Variants in TRHDE observed in about 807,000 individuals in gnomAD.
The protein encoded by TRHDE is thyrotropin releasing hormone degrading enzyme, also known as thyrotropin-releasing hormone-degrading ectoenzyme.
TRHDE carries 72 observed loss-of-function variants against 125.7 expected under a neutral mutation model. The ratio of observed to expected loss-of-function variants is 0.57; its 90% CI spans 0.47 to 0.70. TRHDE has a LOEUF of 0.70. TRHDE is among the 30% of genes least tolerant of loss of function. The probability of loss-of-function intolerance (pLI) is 0.00; values close to 1 mark genes in which losing one functional copy is unlikely to be tolerated. For missense variants in TRHDE, 1,110 were observed against 1,327.1 expected (o/e 0.84, Z 2.54); for synonymous variants, 509 against 509.1 (o/e 1.00, Z 0.00).
At chr12:72,508,239 C>T (rs1878437400) in intron 6 of TRHDE, among the ~76,000 whole-genome samples, 2 of 152,208 alleles carry the variant, frequency 1.3e-5, no homozygotes, top group African/African-American at 2.4e-5. Flanking sequence ...CTACCATCCT[C>T]CAGACCCTAG....
intron 3 of TRHDE, 103 bp from the exon 4 acceptor site, chr12:72,469,655 C>G: frequency 7.8e-7 from 1 of 1,282,496 alleles, no homozygotes; most frequent in Non-Finnish European, 1.1e-6. Context: ...TAAGTAAAAT[C>G]AAGTATTCCT....
intron 2 of TRHDE, among the ~76,000 whole-genome samples, chr12:72,360,232 AT>A (rs777102351): frequency 2.0e-5 from 3 of 151,914 alleles, no homozygotes; most frequent in Non-Finnish European, 4.4e-5. Flanking sequence ...TAAAGAGAAC[AT>A]TTGATATTTG....
chr12:72,365,009 A>G (rs982159757), intron 2 of TRHDE, among the ~76,000 whole-genome samples: 10 of 152,134 alleles, frequency 6.6e-5, no homozygotes, highest in African/African-American at 2.2e-4. Flanking sequence ...CAGAGGGATT[A>G]AATGCTACTG....
intron 2 of TRHDE, among the ~76,000 whole-genome samples, chr12:72,333,938 G>A (rs3858590): frequency 0.3 from 45,822 of 152,096 alleles, 8,754 homozygotes; most frequent in Non-Finnish European, 0.43. Context: ...TTATGGTCCA[G>A]TTATTTAGGG....
chr12:72,200,586 AGTTTGCTTTT>A lies in TRHDE; in HGVS notation n.279+94837_279+94846del, dbSNP rs1877539404. Among the ~76,000 whole-genome samples the A allele has an allele frequency of 2.0e-5, 3 of 152,306 alleles. 1 individual carries two copies. In the South Asian group the frequency reaches 6.2e-4, roughly 32 times the overall value. ...GTTGGGAAACAAATAAAAATTACAAAGTTTGCTTTTGTGGCTGGATTGGGACATGCAGGGA... is the reference window on the plus strand; with the variant it reads ...GTTGGGAAACAAATAAAAATTACAAAGTGGCTGGATTGGGACATGCAGGGA... On this transcript the variant is annotated intron_variant and non_coding_transcript_variant, in intron 2 of 4. Coordinates refer to the TRHDE transcript ENST00000548156.
intron 3 of TRHDE, among the ~76,000 whole-genome samples, chr12:72,459,188 C>T (rs1168070565): frequency 1.3e-5 from 2 of 152,134 alleles, no homozygotes; most frequent in African/African-American, 4.8e-5. Flanking sequence ...ACTGACTCTC[C>T]TCCCATCTCC....
At chr12:72,209,378 T>G (rs894327841) in intron 2 of TRHDE, among the ~76,000 whole-genome samples, 33 of 152,164 alleles carry the variant, frequency 2.2e-4, no homozygotes, top group Non-Finnish European at 1.5e-5. Context: ...CTATGCTGAT[T>G]TTGCCTAGGG....
intron 3 of TRHDE, among the ~76,000 whole-genome samples, chr12:72,447,360 T>C (rs940020381): frequency 3.9e-5 from 6 of 152,088 alleles, no homozygotes; most frequent in Admixed American, 6.6e-5. Context: ...GGGACACATT[T>C]ACAGCAGTGT....
intron 15 of TRHDE, among the ~76,000 whole-genome samples, chr12:72,647,349 T>G (rs1310548194): frequency 6.6e-6 from 1 of 151,960 alleles, no homozygotes; most frequent in Non-Finnish European, 1.5e-5. Flanking sequence ...GGAAGTTTAT[T>G]GTGATAAATA....
At chr12:72,634,845 G>A (rs1284634113) in intron 15 of TRHDE, among the ~76,000 whole-genome samples, 2 of 151,602 alleles carry the variant, frequency 1.3e-5, no homozygotes, top group African/African-American at 4.9e-5. Context: ...CATTTTTTAT[G>A]GCTGCATAGT....
intron 5 of TRHDE, among the ~76,000 whole-genome samples, chr12:72,474,870 A>T (rs1035261622): frequency 1.5e-4 from 23 of 152,302 alleles, no homozygotes; most frequent in African/African-American, 5.5e-4. Flanking sequence ...AGAAAAAAAA[A>T]TGAAATTACT....
chr12:72,563,761 T>G (rs1870297684), intron 9 of TRHDE, among the ~76,000 whole-genome samples: 1 of 142,630 alleles, frequency 7.0e-6, no homozygotes, highest in Admixed American at 7.5e-5. Flanking sequence ...TCATTTCATT[T>G]AAGATGCCCT....
chr12:72,138,431 T>C (rs886481467), intron 2 of TRHDE, among the ~76,000 whole-genome samples: 1 of 151,918 alleles, frequency 6.6e-6, no homozygotes, highest in Non-Finnish European at 1.5e-5. Context: ...AATAAAAATC[T>C]CTGGATTTTT....
intron 2 of TRHDE, among the ~76,000 whole-genome samples, chr12:72,224,782 C>G (rs1207112374): frequency 6.6e-6 from 1 of 152,050 alleles, no homozygotes; most frequent in Non-Finnish European, 1.5e-5. Context: ...TATAAACCAC[C>G]TTAAGGCATT....
chr12:72,313,554 G>A (rs951786532), intron 2 of TRHDE, among the ~76,000 whole-genome samples: 3 of 151,878 alleles, frequency 2.0e-5, no homozygotes, highest in African/African-American at 7.3e-5. Context: ...TCTGTTTGTT[G>A]ACACCAAACT....
At chr12:72,643,752 G>C (rs1415166705) in intron 15 of TRHDE, among the ~76,000 whole-genome samples, 1 of 152,152 alleles carries the variant, frequency 6.6e-6, no homozygotes, top group Non-Finnish European at 1.5e-5. Context: ...CCCAGAGGCT[G>C]TGTTTTAACA....
chr12:72,258,149 C>CT (rs1337593137), intron 2 of TRHDE: 2 of 151,918 alleles, frequency 1.3e-5, no homozygotes, highest in African/African-American at 4.8e-5. Context: ...TAGGTTCTTC[C>CT]AGTAGGGTGA....
chr12:72,638,848 C>T (rs1235784898), intron 15 of TRHDE, among the ~76,000 whole-genome samples: 2 of 152,146 alleles, frequency 1.3e-5, no homozygotes, highest in African/African-American at 4.8e-5. Flanking sequence ...TCTCTTCTGG[C>T]TTGTAGGGTT....
intron 7 of TRHDE, among the ~76,000 whole-genome samples, chr12:72,543,774 G>T (rs1185336489): frequency 1.4e-5 from 2 of 147,212 alleles, no homozygotes; most frequent in African/African-American, 4.9e-5. Flanking sequence ...TATATTATTT[G>T]GAAAGGATTA....
Sources: allele counts gnomAD v4.1 joint callset (sites outside exome capture counted in the v4.1 genomes callset), GRCh38; gene constraint gnomAD v4.1.1; transcripts MANE v1.5; gene names NCBI Gene and HGNC (gene_info 2026-07-23, HGNC 2026-07-21).